Variants in PRKAR1A observed in about 807,000 individuals in gnomAD.
PRKAR1A encodes the protein protein kinase cAMP-dependent type I regulatory subunit alpha.
PRKAR1A carries 3 observed loss-of-function variants against 52.0 expected under a neutral mutation model. The observed-to-expected ratio is 0.06, with a 90% confidence interval of 0.03 to 0.15. The LOEUF (loss-of-function observed/expected upper bound fraction) is 0.15, where lower values mean the gene tolerates loss of function less well. Among genes scored for constraint, PRKAR1A ranks in the 10% least tolerant of loss-of-function variants. The probability of loss-of-function intolerance (pLI) is 1.00; values close to 1 mark genes in which losing one functional copy is unlikely to be tolerated. For synonymous variants in PRKAR1A, 188 were observed against 168.4 expected, an observed-to-expected ratio of 1.12 and a Z score of -0.90; for missense variants, 240 against 477.4, an observed-to-expected ratio of 0.50 and a Z score of 4.63.
chr17:68,486,326 T>C, the PRKAR1A span, among the ~76,000 whole-genome samples: 2 of 152,110 alleles, frequency 1.3e-5, no homozygotes, highest in Non-Finnish European at 2.9e-5. Flanking sequence ...GCTCCTTATC[T>C]TGGGGCTGCC....
the PRKAR1A span, chr17:68,450,663 G>A: frequency 5.9e-6 from 9 of 1,529,004 alleles, no homozygotes; most frequent in African/African-American, 2.8e-5. Flanking sequence ...CTTGAAAGAT[G>A]TCCATCTTTT....
the PRKAR1A span, chr17:68,426,254 G>GGGGGGGGGT: frequency 2.4e-6 from 2 of 816,920 alleles, no homozygotes; most frequent in Admixed American, 2.3e-5. Flanking sequence ...GGGAGCGGGG[G>GGGGGGGGGT]CTCAAATAAA....
downstream of PRKAR1A, chr17:68,536,006 C>A (rs1297270053): frequency 2.2e-6 from 1 of 453,950 alleles, no homozygotes; most frequent in African/African-American, 2.0e-5. Flanking sequence ...GGATTGGAAA[C>A]CTGTGTGTTG....
the PRKAR1A span, chr17:68,457,499 G>GCC: frequency 3.2e-4 from 402 of 1,240,332 alleles, no homozygotes; most frequent in Admixed American, 1.3e-3. Context: ...GGCTCCACGG[G>GCC]CCGGGTCGCC....
Position 68,530,522 on chromosome 17 carries a change from C to T in PRKAR1A, c.*73C>T. ...CACTCATGCAAACTGCTTTATTTTC[C>T]CTACTTGCAGCGCCAAGTGGCCACT... On this transcript the variant is annotated 3_prime_UTR_variant, in exon 11 of 11. Transcript: ENST00000589228. The T allele has an allele frequency of 6.2e-7, 1 of 1,612,668 alleles. No homozygotes were observed. The highest frequency in any genetic ancestry group is 8.5e-7 in the Non-Finnish European group (1 of 1,179,516).
the PRKAR1A span, among the ~76,000 whole-genome samples, chr17:68,432,473 A>T: frequency 1.3e-5 from 2 of 152,202 alleles, no homozygotes; most frequent in African/African-American, 4.8e-5. Flanking sequence ...GTGAAATCAT[A>T]AATGTGGCTG....
At chr17:68,539,591 C>G (rs1253206053) in intron 11 of PRKAR1A, among the ~76,000 whole-genome samples, 1 of 152,248 alleles carries the variant, frequency 6.6e-6, no homozygotes, top group East Asian at 1.9e-4. Flanking sequence ...GCTAAGCAAT[C>G]CTTCATTCAT....
At chr17:68,424,635 G>A in the PRKAR1A span, 2 of 405,828 alleles carry the variant, frequency 4.9e-6, no homozygotes, top group African/African-American at 4.2e-5. Flanking sequence ...TAGCACTTTG[G>A]GAGGCCGAGA....
At chr17:68,542,654 T>C (rs749011732) in intron 11 of PRKAR1A, 3 of 1,505,576 alleles carry the variant, frequency 2.0e-6, no homozygotes, top group Non-Finnish European at 2.8e-6. Context: ...TGGCTTACGA[T>C]CTACTCAGAC....
the PRKAR1A span, among the ~76,000 whole-genome samples, chr17:68,479,514 T>C: frequency 6.6e-6 from 1 of 152,230 alleles, no homozygotes; most frequent in African/African-American, 2.4e-5. Context: ...TACTTCTTCC[T>C]CATCATCTCT....
At chr17:68,495,952 T>TC in the PRKAR1A span, among the ~76,000 whole-genome samples, 28 of 96,070 alleles carry the variant, frequency 2.9e-4, no homozygotes, top group African/African-American at 1.2e-3. Flanking sequence ...TTCCTTTCCT[T>TC]TCCTCTCCTC....
At chr17:68,537,749 G>C (rs1488844969), downstream of PRKAR1A, 3 of 1,607,174 alleles carry the variant, frequency 1.9e-6, no homozygotes, top group East Asian at 4.5e-5. This position sits in a 1 kb window ranked among gnomAD's most constrained non-coding sequence, Gnocchi z 4.2. Flanking sequence ...ATCCTGAAAA[G>C]ACAAAGTTAC....
At chr17:68,507,599 G>A (rs755902402), upstream of PRKAR1A, among the ~76,000 whole-genome samples, 1 of 152,112 alleles carries the variant, frequency 6.6e-6, no homozygotes, top group Non-Finnish European at 1.5e-5. Flanking sequence ...GTTTATCTAT[G>A]TACAAACCTG....
the PRKAR1A span, among the ~76,000 whole-genome samples, chr17:68,451,064 C>A: frequency 1.3e-5 from 2 of 152,250 alleles, no homozygotes; most frequent in African/African-American, 2.4e-5. Context: ...CCATGCCCCC[C>A]ACCCTGCCAG....
the PRKAR1A span, among the ~76,000 whole-genome samples, chr17:68,437,004 A>AT: frequency 0.012 from 1,291 of 111,466 alleles, 8 homozygotes; most frequent in Admixed American, 0.016. Context: ...AAAAAAAAAA[A>AT]AATATATATA....
At chr17:68,522,680 G>T in intron 2 of PRKAR1A, 76 bp from the exon 3 acceptor site, 1 of 1,465,954 alleles carries the variant, frequency 6.8e-7, no homozygotes, top group South Asian at 1.2e-5. Context: ...GACTGAGATA[G>T]ACTATCATTG....
At chr17:68,484,056 G>A in the PRKAR1A span, among the ~76,000 whole-genome samples, 1 of 151,972 alleles carries the variant, frequency 6.6e-6, no homozygotes, top group East Asian at 1.9e-4. Flanking sequence ...GTTATTCTAG[G>A]TATTTGTGCC....
the PRKAR1A span, chr17:68,424,503 A>G: frequency 3.7e-6 from 2 of 534,540 alleles, no homozygotes; most frequent in African/African-American, 1.9e-5. Flanking sequence ...TCCATAACAA[A>G]GCCTAATGGA....
At chr17:68,433,760 G>GTTGTTTT in the PRKAR1A span, among the ~76,000 whole-genome samples, 1 of 72,814 alleles carries the variant, frequency 1.4e-5, no homozygotes. Context: ...AAGGGTCATA[G>GTTGTTTT]TTTTTTTTTT....
Sources: gnomAD v4.1 joint callset for allele counts (sites outside exome capture counted in the v4.1 genomes callset) on GRCh38, gnomAD v4.1.1 for gene constraint, Gnocchi (gnomAD v3.1) non-coding constraint, MANE v1.5 for transcripts, NCBI Gene and HGNC (gene_info 2026-07-23, HGNC 2026-07-21) for gene names.